The following CELF4 variants were observed in gnomAD, a reference collection of about 807,000 sequenced individuals.
CELF4 encodes the protein CUG-BP- and ETR-3-like factor 4.
CELF4 carries 18 observed loss-of-function variants against 59.9 expected under a neutral mutation model. That is an observed-to-expected ratio of 0.30 (90% CI 0.21 to 0.45). The LOEUF is 0.45. Ranked by LOEUF, CELF4 falls within the 20% of genes least tolerant of loss-of-function variation. The pLI is 1.00. For missense variants in CELF4, 456 were observed against 689.0 expected, an observed-to-expected ratio of 0.66 and a Z score of 3.79; for synonymous variants, 261 against 267.1, an observed-to-expected ratio of 0.98 and a Z score of 0.22.
intron 1 of CELF4, among the ~76,000 whole-genome samples, chr18:37,544,606 T>C: frequency 6.6e-6 from 1 of 152,168 alleles, no homozygotes; most frequent in Non-Finnish European, 1.5e-5. Context: ...CTTGTACGTA[T>C]GTATGTGTGT....
intron 2 of CELF4, among the ~76,000 whole-genome samples, chr18:37,436,273 G>GCCACATCCC (rs2099692120): frequency 6.6e-6 from 1 of 152,196 alleles, no homozygotes; most frequent in African/African-American, 2.4e-5. Flanking sequence ...GAACTCGGGA[G>GCCACATCCC]CAGTTCGAGA....
At chr18:37,557,731 C>G (rs2099985221) in intron 1 of CELF4, among the ~76,000 whole-genome samples, 1 of 152,116 alleles carries the variant, frequency 6.6e-6, no homozygotes, top group Non-Finnish European at 1.5e-5. Context: ...CAATTTTTTT[C>G]CTGAGTTTGA....
intron 2 of CELF4, among the ~76,000 whole-genome samples, chr18:37,409,133 G>A (rs1027680409): frequency 6.6e-6 from 1 of 152,228 alleles, no homozygotes; most frequent in Admixed American, 6.5e-5. Flanking sequence ...ATACTCATGT[G>A]CTGGGAAATG....
At chr18:37,251,819 C>T (rs1471290897) in intron 12 of CELF4, among the ~76,000 whole-genome samples, 1 of 152,188 alleles carries the variant, frequency 6.6e-6, no homozygotes, top group Non-Finnish European at 1.5e-5. Context: ...CTCATTCATC[C>T]TTGCATCCCC....
At chr18:37,266,868 C>A (rs533667666) in intron 8 of CELF4, among the ~76,000 whole-genome samples, 23 of 151,880 alleles carry the variant, frequency 1.5e-4, no homozygotes, top group Non-Finnish European at 3.2e-4. Context: ...AAGATGGGGG[C>A]TCATGCAGAG....
At chr18:37,324,356 A>G (rs622476) in intron 2 of CELF4, among the ~76,000 whole-genome samples, 80,725 of 151,960 alleles carry the variant, frequency 0.53, 21,962 homozygotes, top group East Asian at 0.76. Flanking sequence ...CATATGATTG[A>G]TGTCCTCACA....
chr18:37,531,403 G>A (rs1030124187), intron 1 of CELF4, among the ~76,000 whole-genome samples: 5 of 152,122 alleles, frequency 3.3e-5, no homozygotes, highest in African/African-American at 1.2e-4. Flanking sequence ...TAGCCTAATG[G>A]AAATTGCACA....
At chr18:37,491,908 G>A (rs1318723201) in intron 1 of CELF4, among the ~76,000 whole-genome samples, 1 of 152,182 alleles carries the variant, frequency 6.6e-6, no homozygotes, top group Non-Finnish European at 1.5e-5. Context: ...AAGCCCCCAT[G>A]TGCCGGGATA....
intron 10 of CELF4, among the ~76,000 whole-genome samples, chr18:37,259,763 C>A (rs2073114970): frequency 6.6e-6 from 1 of 152,158 alleles, no homozygotes; most frequent in Non-Finnish European, 1.5e-5. Flanking sequence ...ATTGGGGTGC[C>A]CATCCTCCCC....
chr18:37,486,081 T>C (rs2099880812), intron 1 of CELF4: 1 of 152,664 alleles, frequency 6.6e-6, no homozygotes, highest in African/African-American at 2.4e-5. Context: ...CCTCTAAGCC[T>C]TACAAATAAA....
At chr18:37,319,143 G>C (rs138288964) in intron 3 of CELF4, among the ~76,000 whole-genome samples, 379 of 152,312 alleles carry the variant, frequency 2.5e-3, no homozygotes, top group Non-Finnish European at 4.0e-3. Context: ...GTGTGAACTG[G>C]GGGCTGCAGG....
chr18:37,419,985 G>C (rs2099566811), intron 2 of CELF4, among the ~76,000 whole-genome samples: 1 of 152,216 alleles, frequency 6.6e-6, no homozygotes, highest in Non-Finnish European at 1.5e-5. Flanking sequence ...GCTACATCTA[G>C]TCATCATGTG....
intron 2 of CELF4, among the ~76,000 whole-genome samples, chr18:37,470,440 G>A (rs1186905979): frequency 6.6e-6 from 1 of 152,170 alleles, no homozygotes; most frequent in Non-Finnish European, 1.5e-5. Context: ...TAATGGAAAT[G>A]GGTGTCCTCC....
chr18:37,474,771 C>T (rs2099844128), intron 2 of CELF4, among the ~76,000 whole-genome samples: 1 of 152,248 alleles, frequency 6.6e-6, no homozygotes, highest in Non-Finnish European at 1.5e-5. Context: ...GATGATGCCA[C>T]AAGGCTCAAT....
intron 2 of CELF4, among the ~76,000 whole-genome samples, chr18:37,462,952 G>A (rs987280715): frequency 2.0e-5 from 3 of 152,164 alleles, no homozygotes; most frequent in East Asian, 1.9e-4. Flanking sequence ...TGTACCATGT[G>A]TAAGAGCCAT....
chr18:37,450,197 T>C (rs2099759282), intron 2 of CELF4, among the ~76,000 whole-genome samples: 2 of 152,034 alleles, frequency 1.3e-5, no homozygotes, highest in Admixed American at 1.3e-4. Context: ...TACATGTGGG[T>C]ATATTTTCGT....
At chr18:37,327,021 A>T (rs2097340940) in intron 2 of CELF4, among the ~76,000 whole-genome samples, 1 of 152,196 alleles carries the variant, frequency 6.6e-6, no homozygotes, top group African/African-American at 2.4e-5. Flanking sequence ...GACGATTATG[A>T]TACAATTAGA....
chr18:37,292,551 C>T (rs1236814261), intron 3 of CELF4, among the ~76,000 whole-genome samples: 1 of 152,170 alleles, frequency 6.6e-6, no homozygotes, highest in African/African-American at 2.4e-5. Flanking sequence ...CCGGAAGTGA[C>T]GCGGGCAGGC....
chr18:37,495,568 T>G (rs1315133796), intron 1 of CELF4, among the ~76,000 whole-genome samples: 1 of 152,138 alleles, frequency 6.6e-6, no homozygotes, highest in East Asian at 1.9e-4. Context: ...TTTGCTTGGT[T>G]GTGTGTGTGT....
Sources: allele counts gnomAD v4.1 joint callset (sites outside exome capture counted in the v4.1 genomes callset), GRCh38; gene constraint gnomAD v4.1.1; transcripts MANE v1.5; gene names NCBI Gene and HGNC (gene_info 2026-07-23, HGNC 2026-07-21).